The following TLL1 variants were observed in gnomAD, a reference collection of about 807,000 sequenced individuals.
TLL1 encodes the protein tolloid like 1.
A neutral mutation model predicts 128.2 loss-of-function variants in TLL1; 49 were observed. That is an observed-to-expected ratio of 0.38 (90% CI 0.30 to 0.48). The LOEUF (loss-of-function observed/expected upper bound fraction) is 0.48, where lower values mean the gene tolerates loss of function less well. Ranked by LOEUF, TLL1 falls within the 20% of genes least tolerant of loss-of-function variation. TLL1 has a pLI of 0.96. For missense variants in TLL1, 1,123 were observed against 1,242.0 expected (o/e 0.90, Z 1.44); for synonymous variants, 454 against 418.8 (o/e 1.08, Z -1.03).
At chr4:165,985,737 C>A (rs947343995) in intron 1 of TLL1, among the ~76,000 whole-genome samples, 3 of 151,860 alleles carry the variant, frequency 2.0e-5, no homozygotes, top group African/African-American at 7.3e-5. Flanking sequence ...ATAAAATGCA[C>A]TTATTCTGCA....
At chr4:166,035,211 C>A (rs552100691) in intron 9 of TLL1, among the ~76,000 whole-genome samples, 14 of 152,196 alleles carry the variant, frequency 9.2e-5, no homozygotes, top group African/African-American at 3.4e-4. Context: ...TAGGTTTAAG[C>A]AGAAAAGTTA....
chr4:165,887,050 A>G (rs1440356349), intron 1 of TLL1, among the ~76,000 whole-genome samples: 1 of 152,228 alleles, frequency 6.6e-6, no homozygotes, highest in Non-Finnish European at 1.5e-5. Context: ...AGAGCAAAGG[A>G]TGTGTAAGAG....
chr4:166,098,643 G>GT (rs138506832), intron 19 of TLL1, among the ~76,000 whole-genome samples: 2,388 of 151,992 alleles, frequency 0.016, 67 homozygotes, highest in African/African-American at 0.055. Flanking sequence ...ATATATGTAG[G>GT]TTTTTCCCCA....
intron 18 of TLL1, among the ~76,000 whole-genome samples, chr4:166,089,987 A>G (rs1741689369): frequency 1.3e-5 from 2 of 152,096 alleles, no homozygotes; most frequent in Non-Finnish European, 1.5e-5. Context: ...GTGGATTCAC[A>G]CTGAGACAGA....
chr4:165,915,282 A>G (rs555802736), intron 1 of TLL1, among the ~76,000 whole-genome samples: 87 of 152,118 alleles, frequency 5.7e-4, no homozygotes, highest in African/African-American at 1.9e-3. Flanking sequence ...ATAGTCTGGG[A>G]AAAAAAAGAA....
chr4:166,056,001 G>A (rs1291899850), intron 13 of TLL1, among the ~76,000 whole-genome samples: 1 of 151,946 alleles, frequency 6.6e-6, no homozygotes, highest in Non-Finnish European at 1.5e-5. Flanking sequence ...GGATTCGATT[G>A]TGTATTGCAA....
At chr4:166,035,695 G>A (rs966820279) in intron 9 of TLL1, among the ~76,000 whole-genome samples, 7 of 152,080 alleles carry the variant, frequency 4.6e-5, no homozygotes, top group Admixed American at 6.6e-5. Context: ...AGTTATTCCA[G>A]AGACTGGCAA....
At chr4:166,008,924 TAA>T (rs1472105437) in intron 7 of TLL1, among the ~76,000 whole-genome samples, 2 of 151,362 alleles carry the variant, frequency 1.3e-5, no homozygotes, top group African/African-American at 2.4e-5. Context: ...ACTTTCTTGG[TAA>T]AAAGTAGAGA....
intron 15 of TLL1, among the ~76,000 whole-genome samples, chr4:166,061,274 C>T (rs570246379): frequency 6.8e-6 from 1 of 146,306 alleles, no homozygotes; most frequent in African/African-American, 2.5e-5. Context: ...GAGACAGAGT[C>T]TCGCTCTGTT....
chr4:166,057,542 C>A (rs1740082935), intron 14 of TLL1, among the ~76,000 whole-genome samples: 1 of 151,962 alleles, frequency 6.6e-6, no homozygotes, highest in African/African-American at 2.4e-5. Context: ...ATATGTATAA[C>A]ACACCATATT....
At chr4:166,053,288 C>T (rs1243023801) in intron 12 of TLL1, 1 of 151,838 alleles carries the variant, frequency 6.6e-6, no homozygotes, top group Non-Finnish European at 1.5e-5. Context: ...GGTGGTAAGG[C>T]CATAGCCATC....
At chr4:166,069,201 T>G (rs2111130066) in intron 16 of TLL1, among the ~76,000 whole-genome samples, 1 of 151,856 alleles carries the variant, frequency 6.6e-6, no homozygotes, top group Non-Finnish European at 1.5e-5. Context: ...CCCAAAAATT[T>G]TATTACAGGC....
intron 1 of TLL1, among the ~76,000 whole-genome samples, chr4:165,889,636 T>A (rs1388589965): frequency 1.3e-5 from 2 of 152,218 alleles, no homozygotes; most frequent in Non-Finnish European, 2.9e-5. Flanking sequence ...GTGGAACAGC[T>A]AAGTAGGATT....
chr4:166,048,564 G>A (rs772544852), intron 12 of TLL1, among the ~76,000 whole-genome samples: 2 of 152,094 alleles, frequency 1.3e-5, no homozygotes, highest in African/African-American at 2.4e-5. Context: ...TGGAAAGCTT[G>A]TTCTCTATTT....
rs767146523 is a variant in TLL1, at chr4:166,099,355, C to G, written c.2735C>G (p.Pro912Arg). The change falls in exon 20 of 21, where the codon CCA becomes CGA. Residue 912 changes from proline to arginine, a missense_variant. Physicochemically the swap from Pro to Arg is moderately radical, Grantham distance 103 (BLOSUM62 -2). Around this residue, in one of 3 missense-constraint regions of TLL1, gnomAD observed 634 missense variants for 672.4 expected, o/e 0.94. Transcript: ENST00000061240. ...GCTCAGTTTGGTGATAACAACTACC[C>G]AGGACAGGTTGACTGTGAATGGCTA... is the stretch of plus-strand genomic sequence containing the variant. ...SHAQFGDNNY[P>R]GQVDCEWLLV... The G allele has an allele frequency of 2.5e-6, 4 of 1,613,502 alleles. No homozygotes were observed. Among genetic ancestry groups the G allele is most frequent in the Non-Finnish European group, 1.7e-6 (2 of 1,179,634 alleles).
chr4:166,078,022 A>G lies in TLL1; in HGVS notation c.2434A>G (p.Ile812Val). 6.2e-7 allele frequency: 1 copy of G among 1,613,566 alleles called. No individual in the cohort carries two copies. The highest frequency in any genetic ancestry group is 2.2e-5 in the East Asian group (1 of 44,796). Reference protein sequence around the residue: ...WEISATPGHRIKLAFSEFEIE... With the variant: ...WEISATPGHRVKLAFSEFEIE... ...AATCAGCGCCACTCCTGGCCACCGA[A>G]TCAAATTAGTAAGTGAGCACATCCT... The change falls in exon 18 of 21, where the codon ATC (isoleucine) becomes GTC (valine). Residue 812 changes from isoleucine (I) to valine (V), a missense_variant. Ile to Val is a conservative substitution (Grantham distance 29). This residue lies in a region of TLL1 where 634 missense variants were observed against 672.4 expected (regional missense o/e 0.94). Coordinates refer to ENST00000061240, the MANE Select transcript of TLL1 (RefSeq NM_012464.5).
At chr4:166,077,813 A>G (rs1741103514) in intron 17 of TLL1, 90 bp from the exon 18 acceptor site, 1 of 1,584,038 alleles carries the variant, frequency 6.3e-7, no homozygotes, top group African/African-American at 1.3e-5. Context: ...AAAATCTTTC[A>G]ACAGGGCAGT....
chr4:165,939,635 T>G (rs906862985), intron 1 of TLL1, among the ~76,000 whole-genome samples: 1 of 152,104 alleles, frequency 6.6e-6, no homozygotes, highest in African/African-American at 2.4e-5. Flanking sequence ...GGTTTGTTTC[T>G]TCTTCATTAT....
At chr4:166,004,964 A>G (rs1203588247) in intron 6 of TLL1, among the ~76,000 whole-genome samples, 4 of 151,966 alleles carry the variant, frequency 2.6e-5, no homozygotes. Context: ...GGGTGCCTGA[A>G]GTCCAGGAAA....
Sources: allele counts gnomAD v4.1 joint callset (sites outside exome capture counted in the v4.1 genomes callset), GRCh38; gene constraint gnomAD v4.1.1; regional missense constraint gnomAD v4.1.1; transcripts MANE v1.5; gene names NCBI Gene and HGNC (gene_info 2026-07-23, HGNC 2026-07-21).